The following ADAMTS2 variants were observed in gnomAD, a reference collection of about 807,000 sequenced individuals.
The protein encoded by ADAMTS2 is ADAM metallopeptidase with thrombospondin type 1 motif 2.
In ADAMTS2, 50 loss-of-function variants were observed where a neutral mutation model predicts 123.0. The ratio of observed to expected loss-of-function variants is 0.41; its 90% confidence interval spans 0.32 to 0.51. The LOEUF is 0.51. Among genes scored for constraint, ADAMTS2 ranks in the 20% least tolerant of loss-of-function variants. The pLI, the probability that ADAMTS2 is intolerant of heterozygous loss-of-function variation, is 0.35. For synonymous variants in ADAMTS2, 678 were observed against 695.4 expected, an observed-to-expected ratio of 0.98 and a Z score of 0.39; for missense variants, 1,494 against 1,705.2, an observed-to-expected ratio of 0.88 and a Z score of 2.18.
chr5:179,162,662 C>G lies in ADAMTS2; in HGVS notation c.976-3783G>C, dbSNP rs1436279799. The stretch of plus-strand genomic sequence containing the variant: ...AGAGAAGGCACCTCCCCTACAGAAG[C>G]CACAGTCTGCTTTTGATAGAATCTC... On this transcript the variant is annotated intron_variant, in intron 5 of 21. Transcript: ENST00000251582. This position sits in a 1 kb window ranked among gnomAD's most constrained non-coding sequence, Gnocchi z 5.1. 6.6e-6 allele frequency among the ~76,000 whole-genome samples: 1 copy of G among 152,234 alleles called. No individual in the cohort carries two copies. Among genetic ancestry groups the G allele is most frequent in the Non-Finnish European group, 1.5e-5 (1 of 68,030 alleles).
At position 179,124,837 on chromosome 5, in the gene ADAMTS2, C is replaced by A. The variant is rs921184322; in HGVS notation, c.2958+136G>T. The A allele has an allele frequency of 2.3e-5, 37 of 1,600,064 alleles. No individual in the cohort carries two copies. The Admixed American group carries it at 4.6e-4, about 20-fold the overall frequency. ...CAGGCCCGGCGGCTCTCAGGCCGGGCGTCATTGCAGTGCTTGGCATGCACG... is the reference window on the plus strand; with the variant it reads ...CAGGCCCGGCGGCTCTCAGGCCGGGAGTCATTGCAGTGCTTGGCATGCACG... On this transcript the variant is annotated intron_variant, in intron 19 of 21. Coordinates refer to ENST00000251582, the MANE Select transcript of ADAMTS2 (RefSeq NM_014244.5).
chr5:179,299,258 G>C (rs527642990), intron 2 of ADAMTS2, among the ~76,000 whole-genome samples: 1 of 146,964 alleles, frequency 6.8e-6, no homozygotes, highest in Non-Finnish European at 1.5e-5. Flanking sequence ...GTCCAGGCGC[G>C]GTGGCTCACG....
At chr5:179,192,340 G>A (rs1764325603) in intron 4 of ADAMTS2, among the ~76,000 whole-genome samples, 1 of 152,228 alleles carries the variant, frequency 6.6e-6, no homozygotes, top group African/African-American at 2.4e-5. Flanking sequence ...TGAAAGCGCA[G>A]TCATGCAGGG....
At chr5:179,269,721 T>C (rs957702140) in intron 3 of ADAMTS2, among the ~76,000 whole-genome samples, 2 of 152,186 alleles carry the variant, frequency 1.3e-5, no homozygotes, top group Admixed American at 1.3e-4. Context: ...CAGGATGAGA[T>C]GCACACACAC....
chr5:179,332,881 T>G lies in ADAMTS2; in HGVS notation c.534+10886A>C, dbSNP rs1247785202. Among the ~76,000 whole-genome samples the G allele has an allele frequency of 2.0e-5, 3 of 152,086 alleles. No homozygotes were observed. Among genetic ancestry groups the G allele is most frequent in the African/African-American group, 7.2e-5 (3 of 41,428 alleles). ...GCCCCCACCTTGCCCTGATCAGGTCTGCAGGATCAGTGCTCAACGCCCATG... is the reference window on the plus strand; with the variant it reads ...GCCCCCACCTTGCCCTGATCAGGTCGGCAGGATCAGTGCTCAACGCCCATG... On this transcript the variant is annotated intron_variant, in intron 2 of 21. Transcript: ENST00000251582. This position sits in a 1 kb window ranked among gnomAD's most constrained non-coding sequence, Gnocchi z 4.2.
At position 179,303,655 on chromosome 5, in the gene ADAMTS2, T is replaced by A. The variant is rs1223305521; in HGVS notation, c.535-30591A>T. Among the ~76,000 whole-genome samples the A allele has an allele frequency of 2.0e-5, 3 of 152,246 alleles. No homozygotes were observed. The highest frequency in any genetic ancestry group is 4.4e-5 in the Non-Finnish European group (3 of 68,044). On this transcript the variant is annotated intron_variant, in intron 2 of 21. Transcript: ENST00000251582. This position sits in a 1 kb window ranked among gnomAD's most constrained non-coding sequence, Gnocchi z 4.7. ...TCATTTTTCTTTCCTATTTCCTTTT[T>A]CTTTTCTTCGTGTTCTCACACGCCA... is the stretch of plus-strand genomic sequence containing the variant.
rs150753731 is a variant in ADAMTS2 at position 179,255,800 on chromosome 5, G to C, written c.688+17111C>G. Among the ~76,000 whole-genome samples, 759 of 152,312 alleles carry C rather than the reference G, an allele frequency of 5.0e-3. 3 individuals carry two copies. The highest frequency in any genetic ancestry group is 0.016 in the African/African-American group (680 of 41,560). On this transcript the variant is annotated intron_variant, in intron 3 of 21. Coordinates refer to ENST00000251582, the MANE Select transcript of ADAMTS2 (RefSeq NM_014244.5). ...ACTGATGGCACAGGGGCCACTTCTT[G>C]CTCCTTCCTGGTGTCTTCATCCTCG...
intron 3 of ADAMTS2, among the ~76,000 whole-genome samples, chr5:179,235,323 T>C (rs1581210196): frequency 6.6e-6 from 1 of 152,242 alleles, no homozygotes. Flanking sequence ...GATGAAGGAA[T>C]AGACAAGGAG....
At position 179,273,166 on chromosome 5, in the gene ADAMTS2, C is replaced by A. The variant is rs1418314908; in HGVS notation, c.535-102G>T. On this transcript the variant is annotated intron_variant, in intron 2 of 21. Coordinates refer to ENST00000251582, the MANE Select transcript of ADAMTS2 (RefSeq NM_014244.5). The stretch of plus-strand genomic sequence containing the variant: ...CAGGGAGTACCTCCCACCTGAAGAC[C>A]CTGCCCAGCACCCCAGCTGGTGCTC... The A allele has an allele frequency of 1.5e-5, 23 of 1,548,516 alleles. No individual in the cohort carries two copies. The East Asian group carries it at 4.3e-4, about 29-fold the overall frequency.
intron 5 of ADAMTS2, among the ~76,000 whole-genome samples, chr5:179,160,751 T>A (rs1158888476): frequency 6.6e-6 from 1 of 152,106 alleles, no homozygotes; most frequent in Non-Finnish European, 1.5e-5. Context: ...GGCATAGAAG[T>A]GGACAGACCA....
intron 12 of ADAMTS2, 41 bp downstream of exon 12, chr5:179,137,728 T>C: frequency 6.8e-6 from 5 of 737,842 alleles, no homozygotes; most frequent in Admixed American, 2.3e-5. Context: ...CCCTAGGGCC[T>C]GCCTGCTGAG....
chr5:179,296,574 G>C (rs1341164713), intron 2 of ADAMTS2, among the ~76,000 whole-genome samples: 1 of 152,188 alleles, frequency 6.6e-6, no homozygotes, highest in Non-Finnish European at 1.5e-5. Flanking sequence ...GTACAGCAAA[G>C]AGGACCAGTG....
rs1766195283 is a variant in ADAMTS2 at position 179,260,710 on chromosome 5, G to A, written c.688+12201C>T. The stretch of plus-strand genomic sequence containing the variant: ...ACCTCAGTTTCCTCATCTGTAACGT[G>A]GGCACAGCAAAAGCACCAACCCACC... On this transcript the variant is annotated intron_variant, in intron 3 of 21. Transcript: ENST00000251582. The surrounding 1 kb of genome is among the most constrained non-coding windows in gnomAD (Gnocchi z 4.2). Among the ~76,000 whole-genome samples the A allele has an allele frequency of 6.6e-6, 1 of 152,138 alleles. No individual in the cohort carries two copies. Among genetic ancestry groups the A allele is most frequent in the Admixed American group, 6.5e-5 (1 of 15,288 alleles).
intron 4 of ADAMTS2, among the ~76,000 whole-genome samples, chr5:179,200,785 A>C (rs1182018995): frequency 6.6e-6 from 1 of 152,224 alleles, no homozygotes; most frequent in Non-Finnish European, 1.5e-5. Flanking sequence ...CACACACACA[A>C]AAATGTAGGA....
At position 179,113,686 on chromosome 5, in the gene ADAMTS2, G is replaced by C. The variant is rs886060489; in HGVS notation, c.*181C>G. The C allele has an allele frequency of 4.5e-6, 3 of 673,058 alleles. No homozygotes were observed. Among genetic ancestry groups the C allele is most frequent in the Non-Finnish European group, 7.7e-6 (3 of 389,044 alleles). The allele number at this position is 673,058 out of a possible 1,614,324, so 41.7% of individuals were successfully genotyped here. A position where few individuals can be genotyped will look rare whatever the true frequency, so the allele number is the denominator to read the frequency against. ...GTCGCTCCTGGGCTGGGAAGCACAC[G>C]TGCTAACCTAGTTACCACATGCTCA... On this transcript the variant is annotated 3_prime_UTR_variant, in exon 22 of 22. Transcript: ENST00000251582.
chr5:179,270,580 G>A (rs1302293987), intron 3 of ADAMTS2, among the ~76,000 whole-genome samples: 1 of 152,176 alleles, frequency 6.6e-6, no homozygotes, highest in African/African-American at 2.4e-5. Flanking sequence ...GGCAGGCTGT[G>A]CCCCTCACTA....
At chr5:179,208,259 G>A (rs899355579) in intron 3 of ADAMTS2, among the ~76,000 whole-genome samples, 1 of 150,560 alleles carries the variant, frequency 6.6e-6, no homozygotes, top group Admixed American at 6.6e-5. Context: ...GTTATGACTG[G>A]GGAAACCGAG....
In ADAMTS2 at chr5:179,312,812, G is replaced by A. The variant is rs562456391; in HGVS notation, c.534+30955C>T. ...GCTCCGGAGGGAGCGCGGCCCTGCCGCCACCTGCGTTTTGCCCTGTTGAAA... is the reference window on the plus strand; with the variant it reads ...GCTCCGGAGGGAGCGCGGCCCTGCCACCACCTGCGTTTTGCCCTGTTGAAA... On this transcript the variant is annotated intron_variant, in intron 2 of 21. Transcript: ENST00000251582. The surrounding 1 kb of genome is among the most constrained non-coding windows in gnomAD (Gnocchi z 4.2). Among the ~76,000 whole-genome samples the A allele has an allele frequency of 1.3e-5, 2 of 152,336 alleles. No individual in the cohort carries two copies. Among genetic ancestry groups the A allele is most frequent in the East Asian group, 1.9e-4 (1 of 5,172 alleles).
Position 179,307,361 on chromosome 5 carries a change from T to C in ADAMTS2, c.535-34297A>G, listed in dbSNP as rs748873681. ...CCGGCCAACCCTGGGTGGCCACTGCTCAGCACTCCAGGACAGCTCCATGAC... is the reference window on the plus strand; with the variant it reads ...CCGGCCAACCCTGGGTGGCCACTGCCCAGCACTCCAGGACAGCTCCATGAC... On this transcript the variant is annotated intron_variant, in intron 2 of 21. Transcript: ENST00000251582. This position sits in a 1 kb window ranked among gnomAD's most constrained non-coding sequence, Gnocchi z 5.6. Among the ~76,000 whole-genome samples the C allele has an allele frequency of 6.6e-6, 1 of 151,958 alleles. No individual in the cohort carries two copies. Among genetic ancestry groups the C allele is most frequent in the Non-Finnish European group, 1.5e-5 (1 of 67,970 alleles).
Sources: gnomAD v4.1 joint callset for allele counts (sites outside exome capture counted in the v4.1 genomes callset) on GRCh38, gnomAD v4.1.1 for gene constraint, Gnocchi (gnomAD v3.1) non-coding constraint, MANE v1.5 for transcripts, NCBI Gene and HGNC (gene_info 2026-07-23, HGNC 2026-07-21) for gene names.